PCDHA4: variants seen among roughly 807,000 people sequenced by gnomAD.
PCDHA4 encodes protocadherin alpha 4, also known as protocadherin alpha-4.
In PCDHA4, 49 loss-of-function variants were observed where a neutral mutation model predicts 61.4. The observed-to-expected ratio is 0.80, with a 90% CI of 0.63 to 1.01. The LOEUF (loss-of-function observed/expected upper bound fraction) is 1.01. Ranked by LOEUF, PCDHA4 falls within the 50% of genes least tolerant of loss-of-function variation. The pLI is 0.00. For missense variants in PCDHA4, 1,254 were observed against 1,235.8 expected (o/e 1.01, Z -0.22); for synonymous variants, 590 against 550.3 (o/e 1.07, Z -1.01).
intron 3 of PCDHA4, among the ~76,000 whole-genome samples, chr5:141,008,684 G>A (rs1426948038): frequency 2.0e-5 from 3 of 152,236 alleles, no homozygotes; most frequent in South Asian, 4.2e-4. Flanking sequence ...TTTAGTTATT[G>A]CATGTATTAA....
At chr5:140,863,452 G>A in intron 1 of PCDHA4, 4 of 561,032 alleles carry the variant, frequency 7.1e-6, no homozygotes, top group South Asian at 2.9e-5. Flanking sequence ...TCGCAGCAAA[G>A]GAGATTTTAC....
chr5:140,816,086 G>T (rs1372705101), intron 1 of PCDHA4: 1 of 152,126 alleles, frequency 6.6e-6, no homozygotes, highest in African/African-American at 2.4e-5. Context: ...TAAAAAATAA[G>T]CTGTCTGTCC....
chr5:140,975,707 A>G (rs1445809800), intron 1 of PCDHA4, among the ~76,000 whole-genome samples: 1 of 152,204 alleles, frequency 6.6e-6, no homozygotes, highest in East Asian at 1.9e-4. Context: ...ATTTTACTTT[A>G]AATCTTAGAA....
chr5:140,878,468 A>G (rs2057603759), intron 1 of PCDHA4, among the ~76,000 whole-genome samples: 1 of 152,188 alleles, frequency 6.6e-6, no homozygotes, highest in Non-Finnish European at 1.5e-5. Flanking sequence ...TAATAAAATC[A>G]TTTCTCAATT....
intron 1 of PCDHA4, among the ~76,000 whole-genome samples, chr5:140,958,881 A>G (rs565016962): frequency 2.0e-5 from 3 of 152,092 alleles, no homozygotes; most frequent in Non-Finnish European, 2.9e-5. Flanking sequence ...AGAATTGACC[A>G]GTAGCTATAT....
chr5:140,967,793 G>A (rs1447753881), intron 1 of PCDHA4: 24 of 1,614,080 alleles, frequency 1.5e-5, no homozygotes, highest in Non-Finnish European at 1.9e-5. Flanking sequence ...CCGGGGTCCA[G>A]TGCCCATGGC....
Position 140,857,130 on chromosome 5 carries a change from A to T in PCDHA4, c.2385+47558A>T, listed in dbSNP as rs1554149562. 6.3e-7 allele frequency: 1 copy of T among 1,598,310 alleles called. No individual in the cohort carries two copies. The highest frequency in any genetic ancestry group is 8.6e-7 in the Non-Finnish European group (1 of 1,167,812). On this transcript the variant is annotated intron_variant, in intron 1 of 3. Coordinates refer to ENST00000530339, the MANE Select transcript of PCDHA4 (RefSeq NM_018907.4). Reference sequence around the variant, plus strand: ...TCTCTGTCTCTCCCAGTGAAAGAAGATGCTCAAGTGGGCACCGTCATTGCC... The same window carrying T: ...TCTCTGTCTCTCCCAGTGAAAGAAGTTGCTCAAGTGGGCACCGTCATTGCC...
chr5:140,942,701 G>T (rs2093357342), intron 1 of PCDHA4, among the ~76,000 whole-genome samples: 1 of 152,080 alleles, frequency 6.6e-6, no homozygotes, highest in Non-Finnish European at 1.5e-5. Flanking sequence ...TGAGAAATAT[G>T]AAGTAAAAGT....
chr5:140,882,868 G>A (rs1283664390), intron 1 of PCDHA4: 25 of 1,614,184 alleles, frequency 1.5e-5, no homozygotes, highest in Middle Eastern at 1.6e-4. Context: ...GGAAAACACT[G>A]GACAGAGAGG....
rs73793515 is a variant in PCDHA4 at position 140,889,833 on chromosome 5, T to C, written c.2385+80261T>C. ...TCAGGTCATAAGAAGTCTTACAGTA[T>C]GCTTTGGTCTCTGAGAATATTTGTT... On this transcript the variant is annotated intron_variant, in intron 1 of 3. Coordinates refer to ENST00000530339, the MANE Select transcript of PCDHA4 (RefSeq NM_018907.4). Among the ~76,000 whole-genome samples, 1,245 of 152,254 alleles carry C rather than the reference T, an allele frequency of 8.2e-3. 11 individuals are homozygous for C. The highest frequency in any genetic ancestry group is 0.029 in the African/African-American group (1,203 of 41,548).
intron 1 of PCDHA4, among the ~76,000 whole-genome samples, chr5:140,946,634 A>ATATATATATAT (rs1554217761): frequency 2.7e-5 from 4 of 147,312 alleles, no homozygotes; most frequent in African/African-American, 7.7e-5. Context: ...ATATATATAC[A>ATATATATATAT]ATGGAATACT....
At chr5:141,001,216 G>A (rs938133871) in intron 3 of PCDHA4, among the ~76,000 whole-genome samples, 3 of 152,082 alleles carry the variant, frequency 2.0e-5, no homozygotes, top group African/African-American at 7.2e-5. Context: ...GCTGTATAAG[G>A]ATAGTTACAT....
chr5:140,892,417 G>A lies in PCDHA4; in HGVS notation c.2385+82845G>A, dbSNP rs78605430. 5.2e-3 allele frequency among the ~76,000 whole-genome samples: 785 copies of A among 152,216 alleles called. 8 individuals are homozygous for A. Among genetic ancestry groups the A allele is most frequent in the Non-Finnish European group, 8.7e-3 (594 of 68,002 alleles). ...TCTATTTCAAGCTTCAGGTATTCTA[G>A]ATAAAACCTCATTATCTAAAATTTA... On this transcript the variant is annotated intron_variant, in intron 1 of 3. Transcript: ENST00000530339.
intron 1 of PCDHA4, among the ~76,000 whole-genome samples, chr5:140,921,646 G>T (rs957810883): frequency 6.6e-6 from 1 of 152,124 alleles, no homozygotes; most frequent in Admixed American, 6.5e-5. Context: ...GCTATTTTAA[G>T]GGAACTTAAT....
Position 141,010,440 on chromosome 5 carries a change from A to G in PCDHA4, c.*503A>G, listed in dbSNP as rs1279403327. 3 of 984,540 alleles carry G rather than the reference A, an allele frequency of 3.0e-6. No individual in the cohort carries two copies. Among genetic ancestry groups the G allele is most frequent in the Admixed American group, 5.9e-5 (2 of 34,150 alleles). The allele number at this position is 984,540 out of a possible 1,614,324, so 61.0% of individuals were successfully genotyped here. On this transcript the variant is annotated 3_prime_UTR_variant, in exon 4 of 4. Transcript: ENST00000530339. The stretch of plus-strand genomic sequence containing the variant: ...CAAGGAAGGCAAGAAAACAAAGACA[A>G]ATAAACAGCGGAAGTTATCAGTATG...
At position 141,010,305 on chromosome 5, in the gene PCDHA4, G is replaced by GT; in HGVS notation, c.*372dup. 1 of 1,548,478 alleles carries GT rather than the reference G, an allele frequency of 6.5e-7. No homozygotes were observed. Among genetic ancestry groups the GT allele is most frequent in the Non-Finnish European group, 8.7e-7 (1 of 1,146,036 alleles). On this transcript the variant is annotated 3_prime_UTR_variant, in exon 4 of 4. Transcript: ENST00000530339. ...TGACACTTGCAGGGCAGGCTGAAAAGTTTTGAGATTGAGCAGCTTGGGAGT... is the reference window on the plus strand; with the variant it reads ...TGACACTTGCAGGGCAGGCTGAAAAGTTTTTGAGATTGAGCAGCTTGGGAGT...
At chr5:140,915,622 T>TTCTC (rs1418940406) in intron 1 of PCDHA4, among the ~76,000 whole-genome samples, 2 of 128,520 alleles carry the variant, frequency 1.6e-5, no homozygotes, top group South Asian at 2.5e-4. Flanking sequence ...AACAGTCTCT[T>TTCTC]TCTGTCTCTC....
intron 1 of PCDHA4, chr5:140,876,882 G>C: frequency 1.2e-6 from 2 of 1,614,140 alleles, no homozygotes; most frequent in Non-Finnish European, 1.7e-6. Context: ...ACAACCCGCC[G>C]GGCTGCCACA....
chr5:140,845,946 A>G (rs1430863915), intron 1 of PCDHA4, among the ~76,000 whole-genome samples: 2 of 149,792 alleles, frequency 1.3e-5, no homozygotes, highest in East Asian at 1.9e-4. Flanking sequence ...CTGTAAAGTC[A>G]TTTTTTAGAT....
Sources: gnomAD v4.1 joint callset for allele counts (sites outside exome capture counted in the v4.1 genomes callset) on GRCh38, gnomAD v4.1.1 for gene constraint, MANE v1.5 for transcripts, NCBI Gene and HGNC (gene_info 2026-07-23, HGNC 2026-07-21) for gene names.